Variants in SLC17A7 observed in about 807,000 individuals in gnomAD.
SLC17A7 encodes the protein vesicular glutamate transporter 1.
Under a neutral mutation model 59.1 loss-of-function variants are expected in SLC17A7, and 15 were observed. The ratio of observed to expected loss-of-function variants is 0.25; its 90% CI spans 0.17 to 0.39. The LOEUF (loss-of-function observed/expected upper bound fraction) is 0.39. Ranked by LOEUF, SLC17A7 falls within the 10% of genes least tolerant of loss-of-function variation. The probability of loss-of-function intolerance (pLI) is 1.00; values close to 1 mark genes in which losing one functional copy is unlikely to be tolerated. For synonymous variants in SLC17A7, 353 were observed against 308.9 expected (o/e 1.14, Z -1.50); for missense variants, 499 against 765.1 (o/e 0.65, Z 4.10).
chr19:49,430,250 A>C lies in SLC17A7; in HGVS notation c.*269T>G. ...CTGTCCATTCAAATAAAGCCCTGAAAGGAGAGATTTGAAACCACTGAGGCA... is the reference window on the plus strand; with the variant it reads ...CTGTCCATTCAAATAAAGCCCTGAACGGAGAGATTTGAAACCACTGAGGCA... On this transcript the variant is annotated 3_prime_UTR_variant, in exon 12 of 12. Coordinates refer to ENST00000221485, the MANE Select transcript of SLC17A7 (RefSeq NM_020309.4). 1 of 346,242 alleles carries C rather than the reference A, an allele frequency of 2.9e-6. No individual in the cohort carries two copies. Among genetic ancestry groups the C allele is most frequent in the East Asian group, 5.5e-5 (1 of 18,114 alleles). 21.4% of individuals were successfully genotyped at this position (346,242 alleles called of 1,614,324 possible). A position where few individuals can be genotyped will look rare whatever the true frequency, so the allele number is the denominator to read the frequency against.
At position 49,433,366 on chromosome 19, in the gene SLC17A7, T is replaced by C. The variant is rs2078968170; in HGVS notation, c.867+360A>G. On this transcript the variant is annotated intron_variant, in intron 7 of 11. Transcript: ENST00000221485. The surrounding 1 kb of genome is among the most constrained non-coding windows in gnomAD (Gnocchi z 5.7). ...AGCCTCCACCCCCAAAGTGTTGGGA[T>C]TGCAGGCGGAAGCCACTGAGCCTGC... The C allele has an allele frequency of 2.5e-5, 11 of 438,464 alleles. 1 individual carries two copies. Among genetic ancestry groups the C allele is most frequent in the South Asian group, 2.4e-4 (11 of 46,518 alleles). The allele number at this position is 438,464 out of a possible 1,614,324, so 27.2% of individuals were successfully genotyped here.
At position 49,432,501 on chromosome 19, in the gene SLC17A7, A is replaced by T. The variant is rs1195607222; in HGVS notation, c.1150+18T>A. 5 of 1,608,708 alleles carry T rather than the reference A, an allele frequency of 3.1e-6. No individual in the cohort carries two copies. The highest frequency in any genetic ancestry group is 1.3e-5 in the African/African-American group (1 of 74,850). On this transcript the variant is annotated intron_variant, in intron 9 of 11. Transcript: ENST00000221485. ...ACCCAGGCTGTCCTAGAGCCGGCCC[A>T]GGCCCCGCCCCACTCACCTCCGCAG...
At position 49,434,009 on chromosome 19, in the gene SLC17A7, G is replaced by A; in HGVS notation, c.675C>T (p.Ala225=). ...ATCCTGAGTACTGCACAAGGACCCC[G>A]GCGAGGGGCATCGCGACCACCGCCC... The part of the protein sequence containing the change: ...YAGAVVAMPL[A]GVLVQYSGWS... Residue 225 remains alanine (A), a synonymous_variant, in exon 6 of 12, where the codon GCC becomes GCT. Transcript: ENST00000221485. 2.5e-6 allele frequency: 4 copies of A among 1,613,404 alleles called. No homozygotes were observed. Among genetic ancestry groups the A allele is most frequent in the East Asian group, 2.2e-5 (1 of 44,864 alleles).
Position 49,433,329 on chromosome 19 carries a change from A to G in SLC17A7, c.868-369T>C. 1 of 412,530 alleles carries G rather than the reference A, an allele frequency of 2.4e-6. No homozygotes were observed. Among genetic ancestry groups the G allele is most frequent in the Non-Finnish European group, 4.5e-6 (1 of 224,018 alleles). The allele number at this position is 412,530 out of a possible 1,614,324, so 25.6% of individuals were successfully genotyped here. ...AAGCTGGTCTGGAACTCCTGGGCTC[A>G]AGCGATCCTGCAGCCTCCACCCCCA... On this transcript the variant is annotated intron_variant, in intron 7 of 11. Transcript: ENST00000221485. This position sits in a 1 kb window ranked among gnomAD's most constrained non-coding sequence, Gnocchi z 5.7.
intron 1 of SLC17A7, chr19:49,438,009 G>C (rs1008487030): frequency 6.6e-6 from 1 of 151,130 alleles, no homozygotes; most frequent in Admixed American, 6.6e-5. Flanking sequence ...GAAAGAGGGG[G>C]ACAGAGACCC....
Position 49,436,835 on chromosome 19 carries a change from C to T in SLC17A7, c.63-34G>A. Reference sequence around the variant, plus strand: ...CAGCAAGAGCCAGAGACTCGGAAGTCCAGGCCCCCAGCCCCCTCACCCCCA... The same window carrying T: ...CAGCAAGAGCCAGAGACTCGGAAGTTCAGGCCCCCAGCCCCCTCACCCCCA... On this transcript the variant is annotated intron_variant, in intron 1 of 11. Transcript: ENST00000221485. This position sits in a 1 kb window ranked among gnomAD's most constrained non-coding sequence, Gnocchi z 4.1. 6.3e-7 allele frequency: 1 copy of T among 1,591,474 alleles called. No homozygotes were observed. The highest frequency in any genetic ancestry group is 8.5e-7 in the Non-Finnish European group (1 of 1,174,848).
rs7255424 is a variant in SLC17A7 at position 49,430,690 on chromosome 19, G to A, written c.1512C>T (p.Ser504=). The change falls in exon 12 of 12, where the codon AGC becomes AGT. Residue 504 remains serine, a synonymous_variant. Transcript: ENST00000221485. ...KQPWAEPEEM[S]EEKCGFVGHD... ...GGCCAACGAAGCCACACTTCTCCTCGCTCATCTCCTCAGGCTCTGCCCACG... is the reference window on the plus strand; with the variant it reads ...GGCCAACGAAGCCACACTTCTCCTCACTCATCTCCTCAGGCTCTGCCCACG... 866 of 1,614,060 alleles carry A rather than the reference G, an allele frequency of 5.4e-4. 2 individuals are homozygous for A. In the African/African-American group the frequency reaches 0.01, roughly 19 times the overall value.
At chr19:49,440,710 A>T (rs910965579) in intron 1 of SLC17A7, among the ~76,000 whole-genome samples, 4 of 152,208 alleles carry the variant, frequency 2.6e-5, no homozygotes, top group African/African-American at 9.7e-5. Flanking sequence ...GGAAAAAGAC[A>T]CAGAGAGACG....
Position 49,433,527 on chromosome 19 carries a change from C to T in SLC17A7, c.867+199G>A. The T allele has an allele frequency of 1.4e-6, 1 of 740,160 alleles. No homozygotes were observed. 45.8% of individuals were successfully genotyped at this position (740,160 alleles called of 1,614,324 possible). On this transcript the variant is annotated intron_variant, in intron 7 of 11. Coordinates refer to ENST00000221485, the MANE Select transcript of SLC17A7 (RefSeq NM_020309.4). This position sits in a 1 kb window ranked among gnomAD's most constrained non-coding sequence, Gnocchi z 5.7. ...TCAGTGGTTCTAATCCTGCTCAACT[C>T]CCGACCTAACCCTGCCCCCAGCACC...
Position 49,436,406 on chromosome 19 carries a change from G to T in SLC17A7, c.315+143C>A. ...TAAGGCGAGGTCAGAACTAAGGGGC[G>T]CACGGATTGGGCGGAGCTATTCCGA... On this transcript the variant is annotated intron_variant, in intron 2 of 11. Transcript: ENST00000221485. This position sits in a 1 kb window ranked among gnomAD's most constrained non-coding sequence, Gnocchi z 4.1. 2 of 1,116,872 alleles carry T rather than the reference G, an allele frequency of 1.8e-6. No homozygotes were observed. Among genetic ancestry groups the T allele is most frequent in the South Asian group, 1.5e-5 (1 of 67,042 alleles). The allele number at this position is 1,116,872 out of a possible 1,614,324, so 69.2% of individuals were successfully genotyped here. A position where few individuals can be genotyped will look rare whatever the true frequency, so the allele number is the denominator to read the frequency against.
chr19:49,432,727 C>T (rs1353430993), intron 8 of SLC17A7, 76 bp from the exon 9 acceptor site: 2 of 1,603,630 alleles, frequency 1.2e-6, no homozygotes, highest in Non-Finnish European at 8.5e-7. Context: ...CGTGCACCAC[C>T]GGCTCCTCCC....
chr19:49,432,698 T>A (rs776779258), intron 8 of SLC17A7, 47 bp from the exon 9 acceptor site: 2 of 1,604,798 alleles, frequency 1.2e-6, no homozygotes, highest in East Asian at 2.2e-5. Flanking sequence ...GGCCGCCGGC[T>A]CGGCGTCTCT....
Position 49,430,587 on chromosome 19 carries a change from G to A in SLC17A7, c.1615C>T (p.Pro539Ser), listed in dbSNP as rs971540904. 1 of 1,611,392 alleles carries A rather than the reference G, an allele frequency of 6.2e-7. No homozygotes were observed. Among genetic ancestry groups the A allele is most frequent in the Non-Finnish European group, 8.5e-7 (1 of 1,178,172 alleles). ...EPPGAPPAPP[P>S]SYGATHSTFQ... ...GTGCTGTGTGTGGCCCCATAGGAGG[G>A]CGGGGGTGCAGGGGGTGCCCCCGGG... Residue 539 changes from proline to serine, a missense_variant, in exon 12 of 12, where the codon CCC becomes TCC. Pro to Ser is a moderately conservative substitution (Grantham distance 74). This residue lies in a region of SLC17A7 where 98 missense variants were observed against 77.5 expected (regional missense o/e 1.27). Transcript: ENST00000221485.
In SLC17A7 at chr19:49,433,458, C is replaced by A; in HGVS notation, c.867+268G>T. 1.7e-6 allele frequency: 1 copy of A among 582,026 alleles called. No individual in the cohort carries two copies. Among genetic ancestry groups the A allele is most frequent in the South Asian group, 1.8e-5 (1 of 54,764 alleles). The allele number at this position is 582,026 out of a possible 1,614,324, so 36.1% of individuals were successfully genotyped here. ...CCTCAACTCAAGGTCTAAGCAAAACCCCCACATTCTAATCCCTTCTCTGCT... is the reference window on the plus strand; with the variant it reads ...CCTCAACTCAAGGTCTAAGCAAAACACCCACATTCTAATCCCTTCTCTGCT... On this transcript the variant is annotated intron_variant, in intron 7 of 11. Coordinates refer to ENST00000221485, the MANE Select transcript of SLC17A7 (RefSeq NM_020309.4). The surrounding 1 kb of genome is among the most constrained non-coding windows in gnomAD (Gnocchi z 5.7).
chr19:49,440,839 C>A (rs558566070), intron 1 of SLC17A7, among the ~76,000 whole-genome samples: 53 of 151,542 alleles, frequency 3.5e-4, no homozygotes, highest in African/African-American at 1.1e-3. Context: ...GACTCTGAGT[C>A]AGGAGTTGAT....
At chr19:49,437,701 G>A (rs1398822138) in intron 1 of SLC17A7, 1 of 151,932 alleles carries the variant, frequency 6.6e-6, no homozygotes, top group Non-Finnish European at 1.5e-5. Context: ...GAGGGAGAGA[G>A]AATAACAAGG....
In SLC17A7 at chr19:49,436,480, C is replaced by T. The variant is rs1343335627; in HGVS notation, c.315+69G>A. ...CTGGACGTCTGGTGGGTGAGTGTGA[C>T]GTCATGGGGGCGTAGGCGGAGCTCG... On this transcript the variant is annotated intron_variant, in intron 2 of 11. Coordinates refer to ENST00000221485, the MANE Select transcript of SLC17A7 (RefSeq NM_020309.4). This position sits in a 1 kb window ranked among gnomAD's most constrained non-coding sequence, Gnocchi z 4.1. The T allele has an allele frequency of 6.4e-7, 1 of 1,569,090 alleles. No homozygotes were observed. The highest frequency in any genetic ancestry group is 8.6e-7 in the Non-Finnish European group (1 of 1,159,178).
In SLC17A7 at chr19:49,431,457, G is replaced by T. The variant is rs763423220; in HGVS notation, c.1151-9C>A. ...GGCTTCCATGCCGAAGCCTACGGGG[G>T]CGGGGGGGGCCCGCGTCTCCTGAGT... On this transcript the variant is annotated splice_polypyrimidine_tract_variant and intron_variant, in intron 9 of 11. Transcript: ENST00000221485. The surrounding 1 kb of genome is among the most constrained non-coding windows in gnomAD (Gnocchi z 4.6). 2 of 1,611,790 alleles carry T rather than the reference G, an allele frequency of 1.2e-6. No homozygotes were observed. Among genetic ancestry groups the T allele is most frequent in the South Asian group, 2.2e-5 (2 of 90,994 alleles).
chr19:49,431,525 A>G lies in SLC17A7; in HGVS notation c.1151-77T>C, dbSNP rs2078959540. ...GCAGGCTGCCCCACACCGCCCTTCC[A>G]GACCTGCTCCAGCCCCAAACCGCGT... On this transcript the variant is annotated intron_variant, in intron 9 of 11. Transcript: ENST00000221485. The surrounding 1 kb of genome is among the most constrained non-coding windows in gnomAD (Gnocchi z 4.6). 5.6e-6 allele frequency: 7 copies of G among 1,244,818 alleles called. No individual in the cohort carries two copies. Among genetic ancestry groups the G allele is most frequent in the Non-Finnish European group, 8.0e-6 (7 of 869,866 alleles). 77.1% of individuals were successfully genotyped at this position (1,244,818 alleles called of 1,614,324 possible).
Sources: gnomAD v4.1 joint callset for allele counts (sites outside exome capture counted in the v4.1 genomes callset) on GRCh38, gnomAD v4.1.1 for gene constraint, gnomAD v4.1.1 regional missense constraint, Gnocchi (gnomAD v3.1) non-coding constraint, MANE v1.5 for transcripts, NCBI Gene and HGNC (gene_info 2026-07-23, HGNC 2026-07-21) for gene names.